The following LENG1 variants were observed in gnomAD, a reference collection of about 807,000 sequenced individuals.
LENG1 encodes leukocyte receptor cluster (LRC) member 1.
A neutral mutation model predicts 28.8 loss-of-function variants in LENG1; 35 were observed. The observed-to-expected ratio is 1.22, with a 90% CI of 0.93 to 1.61. The LOEUF is 1.61. Among genes scored for constraint, LENG1 ranks in the 40% most tolerant of loss-of-function variants. The pLI, the probability that LENG1 is intolerant of heterozygous loss-of-function variation, is 0.00. For missense variants in LENG1, 404 were observed against 348.9 expected (o/e 1.16, Z -1.26); for synonymous variants, 170 against 140.6 (o/e 1.21, Z -1.48).
At chr19:54,157,078 G>A in intron 2 of LENG1, 53 bp from the exon 3 acceptor site, 1 of 1,429,608 alleles carries the variant, frequency 7.0e-7, no homozygotes. Flanking sequence ...AAGGTGTCAG[G>A]TGTGTCTCCC....
intron 2 of LENG1, among the ~76,000 whole-genome samples, chr19:54,157,692 A>G (rs2075420910): frequency 6.7e-6 from 1 of 149,428 alleles, no homozygotes; most frequent in Non-Finnish European, 1.5e-5. Flanking sequence ...TTTACACTTG[A>G]TCTTAGCCAA....
chr19:54,159,328 C>T (rs2075455738), intron 1 of LENG1, among the ~76,000 whole-genome samples: 1 of 152,242 alleles, frequency 6.6e-6, no homozygotes. Context: ...GACACTGTTC[C>T]AGCCATGTGA....
chr19:54,155,847 G>A lies in LENG1; in HGVS notation c.669C>T (p.Gly223=). The A allele has an allele frequency of 6.2e-7, 1 of 1,612,758 alleles. No homozygotes were observed. Among genetic ancestry groups the A allele is most frequent in the Non-Finnish European group, 8.5e-7 (1 of 1,179,838 alleles). The change falls in exon 4 of 4, where the codon GGC becomes GGT. Residue 223 remains glycine (G), a synonymous_variant. Coordinates refer to ENST00000222224, the MANE Select transcript of LENG1 (RefSeq NM_024316.3). ...RAEALLARVQ[G]RALQEGQPEE... is the part of the protein sequence containing the mutation. ...CCGGCTGACCCTCCTGTAGTGCCCGGCCTTGGACCCGGGCCAGCAGGGCCT... is the reference window on the plus strand; with the variant it reads ...CCGGCTGACCCTCCTGTAGTGCCCGACCTTGGACCCGGGCCAGCAGGGCCT...
chr19:54,157,594 T>G (rs1344478469), intron 2 of LENG1, among the ~76,000 whole-genome samples: 1 of 152,128 alleles, frequency 6.6e-6, no homozygotes, highest in African/African-American at 2.4e-5. Flanking sequence ...GGTCTTGAAC[T>G]TCTGACCTCA....
chr19:54,157,045 C>G lies in LENG1; in HGVS notation c.313-20G>C. On this transcript the variant is annotated intron_variant, in intron 2 of 3. Transcript: ENST00000222224. ...CCTCTCCTGAGGGGGCCAGGAAATA[C>G]AAGAGATGTGATATAATCTTTCAAG... 1.3e-6 allele frequency: 2 copies of G among 1,509,058 alleles called. No homozygotes were observed. Among genetic ancestry groups the G allele is most frequent in the Non-Finnish European group, 1.8e-6 (2 of 1,128,912 alleles). The allele number at this position is 1,509,058 out of a possible 1,614,324, so 93.5% of individuals were successfully genotyped here.
chr19:54,155,614 T>G lies in LENG1; in HGVS notation c.*107A>C. On this transcript the variant is annotated 3_prime_UTR_variant, in exon 4 of 4. Transcript: ENST00000222224. ...GGCTGCCCCCTCCTCCCCTCCCCAG[T>G]GAGGGACATTTTTTGGTAAACCTAT... 1 of 1,210,706 alleles carries G rather than the reference T, an allele frequency of 8.3e-7. No homozygotes were observed. Among genetic ancestry groups the G allele is most frequent in the Non-Finnish European group, 1.2e-6 (1 of 868,240 alleles). 75.0% of individuals were successfully genotyped at this position (1,210,706 alleles called of 1,614,324 possible). A position where few individuals can be genotyped will look rare whatever the true frequency, so the allele number is the denominator to read the frequency against.
chr19:54,158,561 G>A (rs1193006457), intron 1 of LENG1, 100 bp from the exon 2 acceptor site: 3 of 1,186,552 alleles, frequency 2.5e-6, no homozygotes, highest in Non-Finnish European at 2.4e-6. Flanking sequence ...AGGGTGCTGG[G>A]GTTATGAGAA....
Position 54,155,814 on chromosome 19 carries a change from GTCT to G in LENG1, c.699_701del (p.Glu233del), listed in dbSNP as rs750292607. ...ACCGCCGCCGCCGGTCATCCGTCTC[GTCT>G]TCTTCCGGCTGACCCTCCTGTAGTG... On this transcript the variant is annotated inframe_deletion, in exon 4 of 4. Transcript: ENST00000222224. 3.7e-6 allele frequency: 6 copies of G among 1,612,286 alleles called. No individual in the cohort carries two copies. Among genetic ancestry groups the G allele is most frequent in the African/African-American group, 1.3e-5 (1 of 74,906 alleles).
At chr19:54,158,494 A>T in intron 1 of LENG1, 33 bp from the exon 2 acceptor site, 1 of 1,590,464 alleles carries the variant, frequency 6.3e-7, no homozygotes, top group Non-Finnish European at 8.6e-7. Context: ...GACATTCAGA[A>T]CCTAGAGGTA....
chr19:54,156,695 G>A, intron 3 of LENG1, 68 bp downstream of exon 3: 2 of 1,488,628 alleles, frequency 1.3e-6, no homozygotes, highest in Non-Finnish European at 1.8e-6. Context: ...ACGCTGCAGT[G>A]CCCATGCTGG....
At chr19:54,158,154 G>T in intron 2 of LENG1, 128 bp downstream of exon 2, 1 of 887,514 alleles carries the variant, frequency 1.1e-6, no homozygotes, top group Non-Finnish European at 1.8e-6. Context: ...TGAGTGTCAT[G>T]CCTTGGTATG....
chr19:54,156,125 C>T (rs566675044), intron 3 of LENG1, among the ~76,000 whole-genome samples, 185 bp from the exon 4 acceptor site: 8 of 152,252 alleles, frequency 5.3e-5, no homozygotes, highest in Admixed American at 3.3e-4. Flanking sequence ...CTCTGGCCTT[C>T]CCTTCTGTGG....
intron 2 of LENG1, 88 bp from the exon 3 acceptor site, chr19:54,157,113 G>GT: frequency 1.8e-6 from 2 of 1,112,926 alleles, no homozygotes; most frequent in Non-Finnish European, 2.5e-6. Context: ...AAGCGAACAG[G>GT]TATCTAAGGC....
At chr19:54,157,965 C>A (rs1294987563) in intron 2 of LENG1, among the ~76,000 whole-genome samples, 4 of 152,182 alleles carry the variant, frequency 2.6e-5, no homozygotes, top group African/African-American at 9.7e-5. Context: ...CCGCCTCAGC[C>A]TCCCAAGGTG....
intron 2 of LENG1, among the ~76,000 whole-genome samples, 191 bp downstream of exon 2, chr19:54,158,091 A>G (rs1175230068): frequency 1.3e-5 from 2 of 152,210 alleles, no homozygotes; most frequent in African/African-American, 4.8e-5. Flanking sequence ...GGGGACCTCT[A>G]GCATCTACCT....
Position 54,155,813 on chromosome 19 carries a change from C to G in LENG1, c.703G>C (p.Glu235Gln), listed in dbSNP as rs757171818. The G allele has an allele frequency of 3.1e-6, 5 of 1,612,286 alleles. No individual in the cohort carries two copies. The highest frequency in any genetic ancestry group is 4.2e-6 in the Non-Finnish European group (5 of 1,179,804). The change falls in exon 4 of 4, where the codon GAG becomes CAG. Residue 235 changes from glutamate (E) to glutamine (Q), a missense_variant. Transcript: ENST00000222224. ...TACCGCCGCCGCCGGTCATCCGTCT[C>G]GTCTTCTTCCGGCTGACCCTCCTGT... is the stretch of plus-strand genomic sequence containing the variant. ...ALQEGQPEED[E>Q]TDDRRRRYNS...
At chr19:54,159,507 A>C (rs975762391) in intron 1 of LENG1, 57 bp downstream of exon 1, 2 of 1,464,796 alleles carry the variant, frequency 1.4e-6, no homozygotes, top group Non-Finnish European at 1.8e-6. Context: ...CCGGCCCCCA[A>C]CCGCGGCGCC....
chr19:54,155,929 A>C lies in LENG1; in HGVS notation c.587T>G (p.Leu196Arg), dbSNP rs1224964241. The change falls in exon 4 of 4, where the codon CTG becomes CGG. Residue 196 changes from leucine (L) to arginine (R), a missense_variant. Physicochemically the swap from Leu to Arg is moderately radical, Grantham distance 102. Transcript: ENST00000222224. ...EKQRPKEPPS[L>R]DQLRAERLRR... is the part of the protein sequence containing the mutation. ...CAGACGTTCAGCTCGAAGCTGGTCC[A>C]GGGATGGAGGCCTGTGGGGAGAGGA... The C allele has an allele frequency of 2.5e-6, 4 of 1,608,686 alleles. No homozygotes were observed. The Admixed American group carries it at 6.7e-5, about 27-fold the overall frequency.
intron 1 of LENG1, among the ~76,000 whole-genome samples, chr19:54,159,234 G>C (rs2075453480): frequency 6.6e-6 from 1 of 152,262 alleles, no homozygotes; most frequent in Admixed American, 6.5e-5. Context: ...AGGCTGTGCA[G>C]GCAAACTAAA....
Sources: allele counts gnomAD v4.1 joint callset (sites outside exome capture counted in the v4.1 genomes callset), GRCh38; gene constraint gnomAD v4.1.1; transcripts MANE v1.5; gene names NCBI Gene and HGNC (gene_info 2026-07-23, HGNC 2026-07-21).